OR10A3: variants seen among roughly 807,000 people sequenced by gnomAD.
The protein encoded by OR10A3 is olfactory receptor 10A3.
Under a neutral mutation model 1.5 loss-of-function variants are expected in OR10A3, and 1 was observed. That is an observed-to-expected ratio of 0.66 (90% CI 0.23 to 3.11). OR10A3 has a LOEUF of 3.11. Among genes scored for constraint, OR10A3 ranks in the 30% most tolerant of loss-of-function variants. The probability of loss-of-function intolerance (pLI) is 0.21; values close to 1 mark genes in which losing one functional copy is unlikely to be tolerated. For missense variants in OR10A3, 398 were observed against 369.7 expected (o/e 1.08, Z -0.63); for synonymous variants, 145 against 143.7 (o/e 1.01, Z -0.06).
Position 7,938,399 on chromosome 11 carries a change from C to G in OR10A3, c.*177G>C. ...AAACTGTTGTGTCATGTTATGAGAA[C>G]ATATGTATCTACTAAAAACAAGTGA... On this transcript the variant is annotated 3_prime_UTR_variant, in exon 2 of 2. Transcript: ENST00000642047. 1 of 574,370 alleles carries G rather than the reference C, an allele frequency of 1.7e-6. No individual in the cohort carries two copies. The highest frequency in any genetic ancestry group is 2.8e-5 in the East Asian group (1 of 35,164). 35.6% of individuals were successfully genotyped at this position (574,370 alleles called of 1,614,324 possible).
Position 7,939,637 on chromosome 11 carries a change from C to A in OR10A3, c.-117G>T. The A allele has an allele frequency of 1.4e-6, 1 of 729,698 alleles. No homozygotes were observed. Among genetic ancestry groups the A allele is most frequent in the South Asian group, 2.7e-5 (1 of 37,550 alleles). The allele number at this position is 729,698 out of a possible 1,614,324, so 45.2% of individuals were successfully genotyped here. ...TTGACAGCAGATGTAATGACAAGCT[C>A]ATTTTGACAGAACTTCAGGTTGGCA... On this transcript the variant is annotated 5_prime_UTR_variant, in exon 2 of 2. It removes an upstream start codon present in the reference 5' UTR. Transcript: ENST00000642047.
Position 7,939,170 on chromosome 11 carries a change from C to T in OR10A3, c.351G>A (p.Ala117=), listed in dbSNP as rs755678038. ...FGGTECFLLG[A]MAYDRFAAIC... Reference sequence around the variant, plus strand: ...TTGCAGCAAATCGGTCATAAGCCATCGCTCCCAGGAGAAAACATTCAGTCC... The same window carrying T: ...TTGCAGCAAATCGGTCATAAGCCATTGCTCCCAGGAGAAAACATTCAGTCC... The change falls in exon 2 of 2, where the codon GCG becomes GCA. Residue 117 remains alanine (A), a synonymous_variant. Transcript: ENST00000642047. The T allele has an allele frequency of 9.9e-6, 16 of 1,614,040 alleles. No homozygotes were observed. Among genetic ancestry groups the T allele is most frequent in the Admixed American group, 3.3e-5 (2 of 60,000 alleles).
At position 7,937,259 on chromosome 11, in the gene OR10A3, C is replaced by G. The variant is rs992143099; in HGVS notation, c.*1317G>C. On this transcript the variant is annotated 3_prime_UTR_variant, in exon 2 of 2. Transcript: ENST00000642047. ...TAATATACACAAATTATAATGACAC[C>G]CCTTCATTTAGCAGAATATGTATAT... 2 of 152,032 alleles carry G rather than the reference C, an allele frequency of 1.3e-5. No individual in the cohort carries two copies. The highest frequency in any genetic ancestry group is 3.9e-4 in the East Asian group (2 of 5,190). The allele number at this position is 152,032 out of a possible 1,614,324, so 9.4% of individuals were successfully genotyped here.
rs1398191503 is a variant in OR10A3, at chr11:7,938,529, G to T, written c.*47C>A. 1.5e-6 allele frequency: 2 copies of T among 1,374,320 alleles called. No homozygotes were observed. Among genetic ancestry groups the T allele is most frequent in the South Asian group, 1.4e-5 (1 of 72,974 alleles). The allele number at this position is 1,374,320 out of a possible 1,614,324, so 85.1% of individuals were successfully genotyped here. On this transcript the variant is annotated 3_prime_UTR_variant, in exon 2 of 2. Coordinates refer to ENST00000642047, the MANE Select transcript of OR10A3 (RefSeq NM_001003745.2). ...TTTCACCCTTTATTAAATTTAAATA[G>T]AGTTCACTCAGGCAGTGGCCAAATC...
rs1284863657 is a variant in OR10A3, at chr11:7,938,372, A to G, written c.*204T>C. 1 of 511,294 alleles carries G rather than the reference A, an allele frequency of 2.0e-6. No individual in the cohort carries two copies. The highest frequency in any genetic ancestry group is 1.9e-5 in the African/African-American group (1 of 51,388). The allele number at this position is 511,294 out of a possible 1,614,324, so 31.7% of individuals were successfully genotyped here. A position where few individuals can be genotyped will look rare whatever the true frequency, so the allele number is the denominator to read the frequency against. On this transcript the variant is annotated 3_prime_UTR_variant, in exon 2 of 2. Coordinates refer to ENST00000642047, the MANE Select transcript of OR10A3 (RefSeq NM_001003745.2). The stretch of plus-strand genomic sequence containing the variant: ...ATGTTCATAATAGAGAAATGGATGA[A>G]TAAACTGTTGTGTCATGTTATGAGA...
Position 7,940,064 on chromosome 11 carries a change from G to A in OR10A3, c.-178-366C>T, listed in dbSNP as rs772071667. On this transcript the variant is annotated intron_variant, in intron 1 of 1. Transcript: ENST00000642047. ...GCACTTGGGTTCCCCATCTGTATGG[G>A]TTAGAAGCAGCAGAATGATCCCTTC... Among the ~76,000 whole-genome samples, 29 of 152,192 alleles carry A rather than the reference G, an allele frequency of 1.9e-4. 1 individual carries two copies. The highest frequency in any genetic ancestry group is 4.1e-4 in the Non-Finnish European group (28 of 68,038).
In OR10A3 at chr11:7,941,625, A is replaced by T. The variant is rs148709906; in HGVS notation, c.-217T>A. The T allele has an allele frequency of 2.0e-5, 3 of 152,228 alleles. No homozygotes were observed. Among genetic ancestry groups the T allele is most frequent in the Admixed American group, 6.5e-5 (1 of 15,276 alleles). The allele number at this position is 152,228 out of a possible 1,614,324, so 9.4% of individuals were successfully genotyped here. A position where few individuals can be genotyped will look rare whatever the true frequency, so the allele number is the denominator to read the frequency against. On this transcript the variant is annotated 5_prime_UTR_variant, in exon 1 of 2. Coordinates refer to ENST00000642047, the MANE Select transcript of OR10A3 (RefSeq NM_001003745.2). The stretch of plus-strand genomic sequence containing the variant: ...TATCACTTGATAAGTATCTCCAATT[A>T]TCAGTGAGGATAACTACAGAAGGCA...
rs753889400 is a variant in OR10A3 at position 7,939,131 on chromosome 11, C to G, written c.390G>C (p.Leu130=). 37 of 1,614,044 alleles carry G rather than the reference C, an allele frequency of 2.3e-5. No homozygotes were observed. Among genetic ancestry groups the G allele is most frequent in the East Asian group, 1.8e-4 (8 of 44,888 alleles). ...CTCTGTTCATAATCACTGGGTAGTTCAGAGGATGGCAAATTGCAGCAAATC... is the reference window on the plus strand; with the variant it reads ...CTCTGTTCATAATCACTGGGTAGTTGAGAGGATGGCAAATTGCAGCAAATC... ...YDRFAAICHP[L]NYPVIMNRGV... is the part of the protein sequence containing the mutation. Residue 130 remains leucine (L), a synonymous_variant, in exon 2 of 2, where the codon CTG becomes CTC. Coordinates refer to ENST00000642047, the MANE Select transcript of OR10A3 (RefSeq NM_001003745.2).
At position 7,939,075 on chromosome 11, in the gene OR10A3, C is replaced by A; in HGVS notation, c.446G>T (p.Trp149Leu). 6.2e-7 allele frequency: 1 copy of A among 1,614,024 alleles called. No homozygotes were observed. Among genetic ancestry groups the A allele is most frequent in the Non-Finnish European group, 8.5e-7 (1 of 1,180,010 alleles). The change falls in exon 2 of 2, where the codon TGG becomes TTG. Residue 149 changes from tryptophan to leucine, a missense_variant. Trp to Leu is a moderately conservative substitution (Grantham distance 61). Coordinates refer to ENST00000642047, the MANE Select transcript of OR10A3 (RefSeq NM_001003745.2). ...AGTAGCCACCATGATCCCTGAGATC[C>A]ATGAGAATATTACTAATTTCATAAA... The part of the protein sequence containing the change: ...GVFMKLVIFS[W>L]ISGIMVATVQ...
chr11:7,938,928 T>C lies in OR10A3; in HGVS notation c.593A>G (p.Tyr198Cys), dbSNP rs766154318. 20 of 1,613,898 alleles carry C rather than the reference T, an allele frequency of 1.2e-5. No individual in the cohort carries two copies. The highest frequency in any genetic ancestry group is 1.2e-4 in the Admixed American group (7 of 59,996). ...AATCAAAATGGTGCCTGTGAAGGCA[T>C]AGATTTCAAATAAGAAGGTGTCTGC... Reference protein sequence around the residue: ...VCADTFLFEIYAFTGTILIVM... With the variant: ...VCADTFLFEICAFTGTILIVM... The change falls in exon 2 of 2, where the codon TAT becomes TGT. Residue 198 changes from tyrosine to cysteine, a missense_variant. Physicochemically the swap from Tyr to Cys is radical, Grantham distance 194 (BLOSUM62 -2). Coordinates refer to ENST00000642047, the MANE Select transcript of OR10A3 (RefSeq NM_001003745.2).
In OR10A3 at chr11:7,941,633, G is replaced by A. The variant is rs1351021889; in HGVS notation, c.-225C>T. Reference sequence around the variant, plus strand: ...GATAAGTATCTCCAATTATCAGTGAGGATAACTACAGAAGGCAAACCCACC... The same window carrying A: ...GATAAGTATCTCCAATTATCAGTGAAGATAACTACAGAAGGCAAACCCACC... On this transcript the variant is annotated 5_prime_UTR_variant, in exon 1 of 2. Transcript: ENST00000642047. 2 of 152,252 alleles carry A rather than the reference G, an allele frequency of 1.3e-5. No individual in the cohort carries two copies. The highest frequency in any genetic ancestry group is 2.9e-5 in the Non-Finnish European group (2 of 68,014). The allele number at this position is 152,252 out of a possible 1,614,324, so 9.4% of individuals were successfully genotyped here.
In OR10A3 at chr11:7,940,530, C is replaced by A. The variant is rs147507509; in HGVS notation, c.-178-832G>T. Among the ~76,000 whole-genome samples the A allele has an allele frequency of 4.0e-3, 615 of 152,162 alleles. 1 individual carries two copies. Among genetic ancestry groups the A allele is most frequent in the African/African-American group, 0.014 (591 of 41,522 alleles). Reference sequence around the variant, plus strand: ...CTAACTGGCTATTCCATGTTTTATACCCGTTCCTCCAATCTGTACCTCAAA... The same window carrying A: ...CTAACTGGCTATTCCATGTTTTATAACCGTTCCTCCAATCTGTACCTCAAA... On this transcript the variant is annotated intron_variant, in intron 1 of 1. Coordinates refer to ENST00000642047, the MANE Select transcript of OR10A3 (RefSeq NM_001003745.2).
In OR10A3 at chr11:7,937,184, A is replaced by G. The variant is rs1457305341; in HGVS notation, c.*1392T>C. 1 of 152,176 alleles carries G rather than the reference A, an allele frequency of 6.6e-6. No homozygotes were observed. The highest frequency in any genetic ancestry group is 2.4e-5 in the African/African-American group (1 of 41,432). The allele number at this position is 152,176 out of a possible 1,614,324, so 9.4% of individuals were successfully genotyped here. Reference sequence around the variant, plus strand: ...TTTGTTTAACAATTATAAACCTAAAACCAGTTTAAATAGACACACAGATAT... The same window carrying G: ...TTTGTTTAACAATTATAAACCTAAAGCCAGTTTAAATAGACACACAGATAT... On this transcript the variant is annotated 3_prime_UTR_variant, in exon 2 of 2. Coordinates refer to ENST00000642047, the MANE Select transcript of OR10A3 (RefSeq NM_001003745.2).
rs2133619723 is a variant in OR10A3 at position 7,938,493 on chromosome 11, A to C, written c.*83T>G. 1.9e-6 allele frequency: 2 copies of C among 1,065,654 alleles called. No homozygotes were observed. Among genetic ancestry groups the C allele is most frequent in the Non-Finnish European group, 2.7e-6 (2 of 741,508 alleles). The allele number at this position is 1,065,654 out of a possible 1,614,324, so 66.0% of individuals were successfully genotyped here. A position where few individuals can be genotyped will look rare whatever the true frequency, so the allele number is the denominator to read the frequency against. Reference sequence around the variant, plus strand: ...ACAAACTTACATAGTCATACAAAAAATGCAGTCTGTTTTCACCCTTTATTA... The same window carrying C: ...ACAAACTTACATAGTCATACAAAAACTGCAGTCTGTTTTCACCCTTTATTA... On this transcript the variant is annotated 3_prime_UTR_variant, in exon 2 of 2. Transcript: ENST00000642047.
At position 7,941,013 on chromosome 11, in the gene OR10A3, T is replaced by G. The variant is rs765727327; in HGVS notation, c.-179+574A>C. 1.6e-4 allele frequency among the ~76,000 whole-genome samples: 25 copies of G among 152,172 alleles called. 1 individual carries two copies. Among genetic ancestry groups the G allele is most frequent in the Non-Finnish European group, 1.0e-4 (7 of 68,038 alleles). On this transcript the variant is annotated intron_variant, in intron 1 of 1. Coordinates refer to ENST00000642047, the MANE Select transcript of OR10A3 (RefSeq NM_001003745.2). Reference sequence around the variant, plus strand: ...GCAATTGATTTATTGAGTCTGACCATAGTGATATTAAAAACCAAATATATG... The same window carrying G: ...GCAATTGATTTATTGAGTCTGACCAGAGTGATATTAAAAACCAAATATATG...
intron 1 of OR10A3, 39 bp from the exon 2 acceptor site, chr11:7,939,737 A>C (rs1941417135): frequency 2.2e-6 from 1 of 449,548 alleles, no homozygotes; most frequent in Non-Finnish European, 3.9e-6. Context: ...ATTTTGGTTC[A>C]GAAATCTTGT....
intron 1 of OR10A3, among the ~76,000 whole-genome samples, chr11:7,940,847 G>T (rs1021030177): frequency 6.6e-6 from 1 of 152,126 alleles, no homozygotes; most frequent in Non-Finnish European, 1.5e-5. Context: ...TACTAGCATG[G>T]ACCTCCAAAC....
chr11:7,940,951 G>T (rs1342900625), intron 1 of OR10A3, among the ~76,000 whole-genome samples: 3 of 152,112 alleles, frequency 2.0e-5, no homozygotes, highest in Non-Finnish European at 4.4e-5. Context: ...AAGACATCTT[G>T]ATTTCATATC....
chr11:7,940,506 T>C (rs577145856), intron 1 of OR10A3, among the ~76,000 whole-genome samples: 1 of 152,062 alleles, frequency 6.6e-6, no homozygotes, highest in African/African-American at 2.4e-5. Context: ...AACGGAAACC[T>C]AACTGGCTAT....
Sources: allele counts gnomAD v4.1 joint callset (sites outside exome capture counted in the v4.1 genomes callset), GRCh38; gene constraint gnomAD v4.1.1; transcripts MANE v1.5; gene names NCBI Gene and HGNC (gene_info 2026-07-23, HGNC 2026-07-21).